CNTN1: variants seen among roughly 807,000 people sequenced by gnomAD.
CNTN1 encodes contactin-1.
In CNTN1, 38 loss-of-function variants were observed where a neutral mutation model predicts 126.4. The observed-to-expected ratio is 0.30, with a 90% CI of 0.23 to 0.39. The LOEUF (loss-of-function observed/expected upper bound fraction) is 0.39. CNTN1 is among the 10% of genes least tolerant of loss of function. CNTN1 has a pLI of 1.00. For synonymous variants in CNTN1, 413 were observed against 422.6 expected, an observed-to-expected ratio of 0.98 and a Z score of 0.28; for missense variants, 1,009 against 1,248.4, an observed-to-expected ratio of 0.81 and a Z score of 2.89.
At chr12:41,045,485 A>C (rs746506781) in intron 23 of CNTN1, among the ~76,000 whole-genome samples, 32 of 152,142 alleles carry the variant, frequency 2.1e-4, no homozygotes, top group Non-Finnish European at 3.7e-4. Flanking sequence ...TGATTTTTAA[A>C]AATAAAACCC....
intron 1 of CNTN1, among the ~76,000 whole-genome samples, chr12:40,762,425 A>T (rs960138990): frequency 3.9e-5 from 6 of 152,214 alleles, no homozygotes; most frequent in East Asian, 1.9e-4. Flanking sequence ...TAGAAAACAG[A>T]TTAACATTTA....
At chr12:41,069,737 A>C (rs1950124737) in intron 23 of CNTN1, among the ~76,000 whole-genome samples, 1 of 152,190 alleles carries the variant, frequency 6.6e-6, no homozygotes, top group Non-Finnish European at 1.5e-5. Flanking sequence ...ATTTTAAATG[A>C]TTAATCATGT....
At chr12:40,948,822 C>T (rs1008943104) in intron 14 of CNTN1, among the ~76,000 whole-genome samples, 9 of 152,146 alleles carry the variant, frequency 5.9e-5, no homozygotes, top group African/African-American at 1.9e-4. Flanking sequence ...TTACTTCATT[C>T]TCCCTACACT....
At chr12:40,799,784 G>T (rs900653900) in intron 1 of CNTN1, among the ~76,000 whole-genome samples, 1 of 151,912 alleles carries the variant, frequency 6.6e-6, no homozygotes, top group South Asian at 2.1e-4. Context: ...ACTATGCTTG[G>T]TACGTTTTTT....
intron 1 of CNTN1, among the ~76,000 whole-genome samples, chr12:40,749,108 A>T (rs985982156): frequency 5.3e-5 from 8 of 152,246 alleles, no homozygotes; most frequent in Admixed American, 4.6e-4. Context: ...GCTATCTGAA[A>T]AGCACCAATA....
intron 1 of CNTN1, among the ~76,000 whole-genome samples, chr12:40,747,741 A>G (rs1199969106): frequency 6.6e-6 from 1 of 152,136 alleles, no homozygotes; most frequent in East Asian, 1.9e-4. Flanking sequence ...AAAATTAGCC[A>G]TATTAATGTC....
At chr12:40,864,899 G>A (rs973007021) in intron 1 of CNTN1, among the ~76,000 whole-genome samples, 2 of 152,042 alleles carry the variant, frequency 1.3e-5, no homozygotes, top group Non-Finnish European at 2.9e-5. Flanking sequence ...TAAATTTGGA[G>A]GCAAAGTTAC....
chr12:40,721,421 T>G (rs11610114), intron 1 of CNTN1, among the ~76,000 whole-genome samples: 2 of 152,066 alleles, frequency 1.3e-5, no homozygotes, highest in South Asian at 4.1e-4. Flanking sequence ...TCAACTTATT[T>G]TCCCTGCCAA....
rs1387207146 is a variant in CNTN1, at chr12:40,929,782, A to G, written c.497-14A>G. ...AGAAGCACTTAATATTTAGAAGGCA[A>G]TATTTTCTCCTAGATGATCTTAGCT... is the stretch of plus-strand genomic sequence containing the variant. On this transcript the variant is annotated splice_polypyrimidine_tract_variant and intron_variant, in intron 6 of 23. Coordinates refer to ENST00000551295, the MANE Select transcript of CNTN1 (RefSeq NM_001843.4). The G allele has an allele frequency of 1.3e-6, 2 of 1,599,534 alleles. No homozygotes were observed. Among genetic ancestry groups the G allele is most frequent in the Non-Finnish European group, 1.7e-6 (2 of 1,168,132 alleles).
At chr12:41,053,943 C>T (rs1353190212) in intron 23 of CNTN1, among the ~76,000 whole-genome samples, 1 of 151,666 alleles carries the variant, frequency 6.6e-6, no homozygotes, top group East Asian at 1.9e-4. Flanking sequence ...TGTATGCCAG[C>T]TCTTAATTGT....
chr12:40,965,610 T>G (rs1319205306), intron 15 of CNTN1, among the ~76,000 whole-genome samples: 5 of 152,152 alleles, frequency 3.3e-5, no homozygotes, highest in Non-Finnish European at 4.4e-5. Flanking sequence ...TATAAACAGA[T>G]GTAATCATTA....
At chr12:40,759,444 T>TCTTCC (rs1183710442) in intron 1 of CNTN1, among the ~76,000 whole-genome samples, 2 of 149,026 alleles carry the variant, frequency 1.3e-5, no homozygotes, top group Non-Finnish European at 3.0e-5. Flanking sequence ...CCCCTCCCCT[T>TCTTCC]CTTCCCTTCC....
intron 1 of CNTN1, among the ~76,000 whole-genome samples, chr12:40,727,639 T>C (rs1372279223): frequency 6.6e-6 from 1 of 152,186 alleles, no homozygotes; most frequent in African/African-American, 2.4e-5. Flanking sequence ...AATTTCCATG[T>C]AGCCAAACAA....
At chr12:40,726,179 T>C (rs189302367) in intron 1 of CNTN1, among the ~76,000 whole-genome samples, 1 of 152,284 alleles carries the variant, frequency 6.6e-6, no homozygotes, top group East Asian at 1.9e-4. Context: ...TTATTATTGC[T>C]GATGTGGTAA....
chr12:40,868,233 T>G (rs1221928975), intron 1 of CNTN1, among the ~76,000 whole-genome samples: 1 of 152,170 alleles, frequency 6.6e-6, no homozygotes, highest in East Asian at 1.9e-4. Flanking sequence ...AGTTTTTTAT[T>G]TATTAGAACT....
Position 40,922,523 on chromosome 12 carries a change from T to G in CNTN1, c.400+95T>G, listed in dbSNP as rs1046278689. The G allele has an allele frequency of 3.5e-6, 4 of 1,153,282 alleles. No individual in the cohort carries two copies. In the East Asian group the frequency reaches 7.2e-5, roughly 21 times the overall value. 71.4% of individuals were successfully genotyped at this position (1,153,282 alleles called of 1,614,324 possible). On this transcript the variant is annotated intron_variant, in intron 5 of 23. Coordinates refer to ENST00000551295, the MANE Select transcript of CNTN1 (RefSeq NM_001843.4). ...AAAGGATAGTGAGAGGAAGGCATCA[T>G]AGATGAGGTGGATCTTACAAGATGA... is the stretch of plus-strand genomic sequence containing the variant.
At chr12:40,707,221 C>CTTTTT (rs1565626426) in intron 1 of CNTN1, among the ~76,000 whole-genome samples, 1 of 119,450 alleles carries the variant, frequency 8.4e-6, no homozygotes, top group African/African-American at 3.7e-5. Flanking sequence ...CATTTCTTTT[C>CTTTTT]TTTTTCTTTT....
At chr12:41,048,709 AAAG>A (rs1417152567) in intron 23 of CNTN1, among the ~76,000 whole-genome samples, 3 of 152,190 alleles carry the variant, frequency 2.0e-5, no homozygotes, top group Admixed American at 1.3e-4. Flanking sequence ...CAATTGAAAG[AAAG>A]AAGAAGGAAA....
Position 40,700,268 on chromosome 12 carries a change from C to A in CNTN1, c.-77+7676C>A, listed in dbSNP as rs186552199. The stretch of plus-strand genomic sequence containing the variant: ...TTCAGCCAGGCATGGTGGCTCACGC[C>A]TGTAATCCCAGCACTTTGGGAGGAC... On this transcript the variant is annotated intron_variant, in intron 1 of 23. Coordinates refer to ENST00000551295, the MANE Select transcript of CNTN1 (RefSeq NM_001843.4). Among the ~76,000 whole-genome samples, 530 of 152,192 alleles carry A rather than the reference C, an allele frequency of 3.5e-3. 1 individual carries two copies. The highest frequency in any genetic ancestry group is 6.3e-3 in the Non-Finnish European group (427 of 68,018).
Sources: allele counts gnomAD v4.1 joint callset (sites outside exome capture counted in the v4.1 genomes callset), GRCh38; gene constraint gnomAD v4.1.1; transcripts MANE v1.5; gene names NCBI Gene and HGNC (gene_info 2026-07-23, HGNC 2026-07-21).